Variants in SRRM4 observed in about 807,000 individuals in gnomAD.
SRRM4 encodes the protein serine/arginine repetitive matrix 4.
SRRM4 carries 33 observed loss-of-function variants against 68.9 expected under a neutral mutation model. That is an observed-to-expected ratio of 0.48 (90% CI 0.36 to 0.64). The LOEUF (loss-of-function observed/expected upper bound fraction) is 0.64, where lower values mean the gene tolerates loss of function less well. Ranked by LOEUF, SRRM4 falls within the 30% of genes least tolerant of loss-of-function variation. SRRM4 has a pLI of 0.00. For missense variants in SRRM4, 817 were observed against 827.1 expected, an observed-to-expected ratio of 0.99 and a Z score of 0.15; for synonymous variants, 318 against 318.8, an observed-to-expected ratio of 1.00 and a Z score of 0.03.
intron 6 of SRRM4, among the ~76,000 whole-genome samples, chr12:119,124,963 G>T (rs1468389087): frequency 6.6e-6 from 1 of 152,120 alleles, no homozygotes; most frequent in Non-Finnish European, 1.5e-5. Flanking sequence ...TTTTAACTCG[G>T]GCCTCCGGTT....
rs200356219 is a variant in SRRM4 at position 119,146,591 on chromosome 12, G to GA, written c.1076+916dup. Among the ~76,000 whole-genome samples the GA allele has an allele frequency of 6.6e-3, 932 of 140,254 alleles. 11 individuals are homozygous for GA. Among genetic ancestry groups the GA allele is most frequent in the African/African-American group, 0.023 (863 of 38,158 alleles). The allele number at this position is 140,254 out of a possible 152,430, so 92.0% of individuals were successfully genotyped here. ...ACAAGAGTGAAACTCCATCTCAAAA[G>GA]AAAAAAAAAATGAAAGAAAGTCTAA... On this transcript the variant is annotated intron_variant, in intron 9 of 12. Transcript: ENST00000267260.
At chr12:119,023,797 T>G (rs1246548883) in intron 1 of SRRM4, among the ~76,000 whole-genome samples, 1 of 152,194 alleles carries the variant, frequency 6.6e-6, no homozygotes, top group Non-Finnish European at 1.5e-5. Context: ...AATGAGCCCT[T>G]TCTTTGTCTT....
intron 1 of SRRM4, among the ~76,000 whole-genome samples, chr12:119,039,889 CA>C (rs2136010886): frequency 6.6e-6 from 1 of 152,030 alleles, no homozygotes; most frequent in African/African-American, 2.4e-5. Flanking sequence ...ACCCATATAC[CA>C]GGGCAGGAAA....
At chr12:119,009,349 G>C (rs1450735148) in intron 1 of SRRM4, among the ~76,000 whole-genome samples, 1 of 152,158 alleles carries the variant, frequency 6.6e-6, no homozygotes, top group Non-Finnish European at 1.5e-5. Flanking sequence ...AAGCCGATGG[G>C]GAAGAGATGG....
At position 119,160,142 on chromosome 12, in the gene SRRM4, TC is replaced by T. The variant is rs1306797892; in HGVS notation, c.*3347del. 6 of 152,232 alleles carry T rather than the reference TC, an allele frequency of 3.9e-5. No individual in the cohort carries two copies. Among genetic ancestry groups the T allele is most frequent in the African/African-American group, 1.4e-4 (6 of 41,452 alleles). The allele number at this position is 152,232 out of a possible 1,614,324, so 9.4% of individuals were successfully genotyped here. On this transcript the variant is annotated 3_prime_UTR_variant, in exon 13 of 13. Transcript: ENST00000267260. ...GACTTTTGCAACATCCCTGGTTGTT[TC>T]CCTGGCAATGTGACTATCCAGCCCT...
At chr12:119,003,341 A>G (rs1953397559) in intron 1 of SRRM4, among the ~76,000 whole-genome samples, 2 of 151,736 alleles carry the variant, frequency 1.3e-5, no homozygotes, top group African/African-American at 2.4e-5. Context: ...AGCTTCCGGC[A>G]TATCCTGAGC....
intron 1 of SRRM4, among the ~76,000 whole-genome samples, chr12:119,097,260 G>A (rs1292211967): frequency 1.3e-5 from 2 of 152,248 alleles, no homozygotes; most frequent in African/African-American, 4.8e-5. Context: ...AGGTGGGGCT[G>A]TGGAGGGCTG....
intron 1 of SRRM4, among the ~76,000 whole-genome samples, chr12:119,085,250 C>T (rs1953972760): frequency 6.6e-6 from 1 of 152,236 alleles, no homozygotes. Flanking sequence ...ATTTCAGGCA[C>T]TATTCCAACA....
At chr12:119,010,219 AT>A (rs749629284) in intron 1 of SRRM4, among the ~76,000 whole-genome samples, 8 of 152,064 alleles carry the variant, frequency 5.3e-5, no homozygotes, top group Non-Finnish European at 1.2e-4. Context: ...CGCCCGGCTA[AT>A]TTTCGTATCT....
chr12:119,050,676 T>C (rs546655973), intron 1 of SRRM4, among the ~76,000 whole-genome samples: 3 of 152,268 alleles, frequency 2.0e-5, no homozygotes, highest in Admixed American at 1.3e-4. Context: ...TCTGCCATTT[T>C]CCACTATATA....
At chr12:119,117,341 G>A (rs1954187577) in intron 4 of SRRM4, among the ~76,000 whole-genome samples, 1 of 152,182 alleles carries the variant, frequency 6.6e-6, no homozygotes, top group South Asian at 2.1e-4. Flanking sequence ...TGGTCCCCAT[G>A]AGGGACATGG....
chr12:119,074,167 T>A (rs544057055), intron 1 of SRRM4, among the ~76,000 whole-genome samples: 1 of 149,814 alleles, frequency 6.7e-6, no homozygotes, highest in East Asian at 2.0e-4. Flanking sequence ...CTTCCCTTCC[T>A]CTGAATGCTT....
At chr12:119,065,456 G>T (rs938647348) in intron 1 of SRRM4, among the ~76,000 whole-genome samples, 2 of 152,194 alleles carry the variant, frequency 1.3e-5, no homozygotes, top group African/African-American at 4.8e-5. Flanking sequence ...TCCATGGGTG[G>T]CCAGGTGCGG....
intron 1 of SRRM4, among the ~76,000 whole-genome samples, chr12:119,051,198 T>C (rs1953740276): frequency 6.6e-6 from 1 of 152,200 alleles, no homozygotes; most frequent in South Asian, 2.1e-4. Context: ...AACCATGTTG[T>C]AGGTTATCAG....
intron 1 of SRRM4, among the ~76,000 whole-genome samples, chr12:119,025,902 A>G (rs1254742446): frequency 6.6e-6 from 1 of 152,066 alleles, no homozygotes; most frequent in African/African-American, 2.4e-5. Context: ...GCAGTTTGAG[A>G]AAGGTTTGGC....
At position 118,981,770 on chromosome 12, in the gene SRRM4, C is replaced by T; in HGVS notation, c.-113C>T. On this transcript the variant is annotated 5_prime_UTR_variant, in exon 1 of 13. Transcript: ENST00000267260. ...GAACTCCGATCTCTCCCACCCCACCCCTCTCTGGGTTTCACCCGGACAGAG... is the reference window on the plus strand; with the variant it reads ...GAACTCCGATCTCTCCCACCCCACCTCTCTCTGGGTTTCACCCGGACAGAG... 1 of 1,265,568 alleles carries T rather than the reference C, an allele frequency of 7.9e-7. No individual in the cohort carries two copies. Among genetic ancestry groups the T allele is most frequent in the South Asian group, 1.5e-5 (1 of 65,290 alleles). 78.4% of individuals were successfully genotyped at this position (1,265,568 alleles called of 1,614,324 possible). A position where few individuals can be genotyped will look rare whatever the true frequency, so the allele number is the denominator to read the frequency against.
In SRRM4 at chr12:119,066,949, A is replaced by T. The variant is rs1953849684; in HGVS notation, c.132-35287A>T. 5.9e-5 allele frequency among the ~76,000 whole-genome samples: 9 copies of T among 152,162 alleles called. No homozygotes were observed. The South Asian group carries it at 1.9e-3, about 32-fold the overall frequency. On this transcript the variant is annotated intron_variant, in intron 1 of 12. Coordinates refer to ENST00000267260, the MANE Select transcript of SRRM4 (RefSeq NM_194286.4). Reference sequence around the variant, plus strand: ...ATTTACTAAAGCCAGGACTCTTTCCAAAGAGTGGACCTCAGTATTTCACTC... The same window carrying T: ...ATTTACTAAAGCCAGGACTCTTTCCTAAGAGTGGACCTCAGTATTTCACTC...
chr12:119,055,395 C>T (rs575288315), intron 1 of SRRM4, among the ~76,000 whole-genome samples: 1 of 152,226 alleles, frequency 6.6e-6, no homozygotes, highest in South Asian at 2.1e-4. Flanking sequence ...AACATTGTGG[C>T]TTTTTTCCCC....
intron 1 of SRRM4, among the ~76,000 whole-genome samples, chr12:119,021,557 C>T (rs1953515934): frequency 6.6e-6 from 1 of 152,176 alleles, no homozygotes; most frequent in South Asian, 2.1e-4. Context: ...CCCCAGTGGT[C>T]ATTATTGCCA....
Sources: allele counts gnomAD v4.1 joint callset (sites outside exome capture counted in the v4.1 genomes callset), GRCh38; gene constraint gnomAD v4.1.1; transcripts MANE v1.5; gene names NCBI Gene and HGNC (gene_info 2026-07-23, HGNC 2026-07-21).